LRPPRC: variants seen among roughly 807,000 people sequenced by gnomAD.
LRPPRC encodes the protein leucine-rich PPR motif-containing protein, mitochondrial.
Under a neutral mutation model 180.3 loss-of-function variants are expected in LRPPRC, and 120 were observed. That is an observed-to-expected ratio of 0.67 (90% confidence interval 0.57 to 0.77). The LOEUF (loss-of-function observed/expected upper bound fraction) is 0.77. Ranked by LOEUF, LRPPRC falls within the 30% of genes least tolerant of loss-of-function variation. The pLI, the probability that LRPPRC is intolerant of heterozygous loss-of-function variation, is 0.00. For missense variants in LRPPRC, 2,012 were observed against 1,657.2 expected (o/e 1.21, Z -3.72); for synonymous variants, 723 against 600.0 (o/e 1.21, Z -3.00).
chr2:43,930,104 C>A (rs1672031909), intron 25 of LRPPRC, among the ~76,000 whole-genome samples: 3 of 151,944 alleles, frequency 2.0e-5, no homozygotes, highest in Admixed American at 1.3e-4. Flanking sequence ...GTAACAAAGA[C>A]TGGGAGATCA....
At position 43,963,724 on chromosome 2, in the gene LRPPRC, G is replaced by C; in HGVS notation, c.1370-18C>G. The stretch of plus-strand genomic sequence containing the variant: ...AATTATACCTACCAAATAAAATGTA[G>C]AAGCACAGAGATAGAGAACTTAGAA... On this transcript the variant is annotated intron_variant, in intron 11 of 37. Coordinates refer to ENST00000260665, the MANE Select transcript of LRPPRC (RefSeq NM_133259.4). 8.2e-7 allele frequency: 1 copy of C among 1,212,412 alleles called. No individual in the cohort carries two copies. Among genetic ancestry groups the C allele is most frequent in the Non-Finnish European group, 1.2e-6 (1 of 814,610 alleles). The allele number at this position is 1,212,412 out of a possible 1,614,324, so 75.1% of individuals were successfully genotyped here.
chr2:43,974,180 GA>G lies in LRPPRC; in HGVS notation c.1124del (p.Phe375SerfsTer7). On this transcript the variant is annotated frameshift_variant, in exon 9 of 38. Transcript: ENST00000260665. LOFTEE classifies it high-confidence loss of function. ...TCATAGTCACACAGTGTTGTAAAAA[GA>G]AACTGCCAAAGACACTTGGGCCATC... is the stretch of plus-strand genomic sequence containing the variant. ...KEDGPSVFGS[F>X]FLQHCVTMNT... 6.2e-7 allele frequency: 1 copy of G among 1,613,900 alleles called. No individual in the cohort carries two copies. Among genetic ancestry groups the G allele is most frequent in the Non-Finnish European group, 8.5e-7 (1 of 1,179,804 alleles).
chr2:43,918,050 A>C lies in LRPPRC; in HGVS notation c.3123T>G (p.Ile1041Met), dbSNP rs770008394. 3.1e-6 allele frequency: 5 copies of C among 1,607,702 alleles called. No homozygotes were observed. The East Asian group carries it at 1.1e-4, about 36-fold the overall frequency. Reference sequence around the variant, plus strand: ...CTTTTTTTTGGTTCAATCGGCAGGCAATCAATATATCTTTCTGGAAATCAG... The same window carrying C: ...CTTTTTTTTGGTTCAATCGGCAGGCCATCAATATATCTTTCTGGAAATCAG... ...TEPDFQKDILIACRLNQKKGA... is the reference protein window; with the variant it reads ...TEPDFQKDILMACRLNQKKGA... Residue 1041 changes from isoleucine (I) to methionine (M), a missense_variant, in exon 29 of 38, where the codon ATT (isoleucine) becomes ATG (methionine). Ile to Met is a conservative substitution (Grantham distance 10). Coordinates refer to ENST00000260665, the MANE Select transcript of LRPPRC (RefSeq NM_133259.4).
intron 1 of LRPPRC, among the ~76,000 whole-genome samples, chr2:43,992,441 G>T (rs1674823014): frequency 6.6e-6 from 1 of 152,174 alleles, no homozygotes; most frequent in Admixed American, 6.5e-5. Flanking sequence ...CCATGGGAGG[G>T]AACTCAGAAG....
chr2:43,917,412 C>G (rs1162985204), intron 29 of LRPPRC, among the ~76,000 whole-genome samples: 1 of 151,782 alleles, frequency 6.6e-6, no homozygotes, highest in Admixed American at 6.6e-5. Flanking sequence ...TTTTTTCATC[C>G]CTCAATAACT....
chr2:43,992,916 A>T (rs547848603), intron 1 of LRPPRC, among the ~76,000 whole-genome samples: 1 of 152,186 alleles, frequency 6.6e-6, no homozygotes, highest in Non-Finnish European at 1.5e-5. Flanking sequence ...TAGGTAAGTA[A>T]TGCCCTGAAA....
intron 30 of LRPPRC, among the ~76,000 whole-genome samples, chr2:43,911,645 G>A (rs1260455184): frequency 1.3e-5 from 2 of 149,318 alleles, no homozygotes; most frequent in Non-Finnish European, 2.9e-5. Flanking sequence ...TCCTGCCTCA[G>A]CCTTTTGAGT....
At chr2:43,897,638 T>C (rs929933674) in intron 34 of LRPPRC, among the ~76,000 whole-genome samples, 1 of 151,866 alleles carries the variant, frequency 6.6e-6, no homozygotes, top group East Asian at 1.9e-4. Context: ...AGTGATGAGA[T>C]GGTAAATGAA....
chr2:43,908,713 G>A (rs1572903638), intron 30 of LRPPRC, among the ~76,000 whole-genome samples: 1 of 152,098 alleles, frequency 6.6e-6, no homozygotes, highest in Admixed American at 6.6e-5. Flanking sequence ...TTTTAGTAGA[G>A]ACAGGGTTTC....
chr2:43,965,379 T>C (rs1390682977), intron 11 of LRPPRC, among the ~76,000 whole-genome samples: 1 of 152,058 alleles, frequency 6.6e-6, no homozygotes, highest in Non-Finnish European at 1.5e-5. Flanking sequence ...TCTTATACAA[T>C]ACACAAAAAT....
intron 2 of LRPPRC, among the ~76,000 whole-genome samples, chr2:43,981,630 C>T (rs1162237877): frequency 6.6e-6 from 1 of 151,696 alleles, no homozygotes; most frequent in Admixed American, 6.6e-5. Flanking sequence ...GCACTCCAGC[C>T]TGCTGGGCGA....
intron 25 of LRPPRC, among the ~76,000 whole-genome samples, chr2:43,927,056 T>G (rs1464359784): frequency 6.6e-6 from 1 of 152,216 alleles, no homozygotes; most frequent in Non-Finnish European, 1.5e-5. Context: ...ACAAACCATT[T>G]CAACATAATT....
intron 12 of LRPPRC, 117 bp downstream of exon 12, chr2:43,963,471 T>C (rs1182396092): frequency 1.0e-5 from 8 of 763,026 alleles, no homozygotes; most frequent in South Asian, 2.8e-5. Context: ...GAAAATTGTA[T>C]ACAGATTTGA....
chr2:43,911,012 G>C (rs1445132801), intron 30 of LRPPRC, among the ~76,000 whole-genome samples: 1 of 151,858 alleles, frequency 6.6e-6, no homozygotes, highest in East Asian at 1.9e-4. Flanking sequence ...GAGAGGGTTG[G>C]GATGGAGAGT....
In LRPPRC at chr2:43,918,023, G is replaced by A. The variant is rs1553396068; in HGVS notation, c.3148+2C>T. ...CACACCCCCATCCCCGTATGTGCTT[G>A]CCTTTTTTTTGGTTCAATCGGCAGG... On this transcript the variant is annotated splice_donor_variant, in intron 29 of 37. Transcript: ENST00000260665. LOFTEE classifies it low-confidence loss of function (GC_TO_GT_DONOR). The A allele has an allele frequency of 6.2e-7, 1 of 1,602,888 alleles. No individual in the cohort carries two copies. Among genetic ancestry groups the A allele is most frequent in the Non-Finnish European group, 8.5e-7 (1 of 1,172,674 alleles).
intron 1 of LRPPRC, among the ~76,000 whole-genome samples, chr2:43,993,331 C>T (rs926078298): frequency 2.6e-5 from 4 of 152,082 alleles, no homozygotes; most frequent in Non-Finnish European, 4.4e-5. Context: ...AACTGTCCCT[C>T]GAGGCACCTT....
intron 29 of LRPPRC, among the ~76,000 whole-genome samples, chr2:43,917,135 G>A (rs566351729): frequency 1.9e-4 from 27 of 144,300 alleles, no homozygotes; most frequent in Admixed American, 2.9e-4. Flanking sequence ...CCATCTCCCC[G>A]GTTCCGGTGA....
chr2:43,888,697 AAGAGG>A, intron 37 of LRPPRC, 41 bp from the exon 38 acceptor site: 3 of 1,064,974 alleles, frequency 2.8e-6, no homozygotes, highest in Non-Finnish European at 4.4e-6. Context: ...AGATACCAGC[AAGAGG>A]TGATGGTACA....
intron 36 of LRPPRC, chr2:43,890,275 CTG>C: frequency 6.7e-6 from 3 of 448,322 alleles, no homozygotes; most frequent in South Asian, 5.0e-5. Context: ...AATCCAGGAA[CTG>C]TTGTGGAGAG....
Sources: allele counts gnomAD v4.1 joint callset (sites outside exome capture counted in the v4.1 genomes callset), GRCh38; gene constraint gnomAD v4.1.1; transcripts MANE v1.5; gene names NCBI Gene and HGNC (gene_info 2026-07-23, HGNC 2026-07-21).